The following ADGRG1 variants were observed in gnomAD, a reference collection of about 807,000 sequenced individuals.
ADGRG1 encodes 7-transmembrane protein with no EGF-like N-terminal domains-1.
Under a neutral mutation model 73.5 loss-of-function variants are expected in ADGRG1, and 53 were observed. The ratio of observed to expected loss-of-function variants is 0.72; its 90% confidence interval spans 0.58 to 0.91. ADGRG1 has a LOEUF of 0.91. ADGRG1 is among the 40% of genes least tolerant of loss of function. The probability of loss-of-function intolerance (pLI) is 0.00; values close to 1 mark genes in which losing one functional copy is unlikely to be tolerated. For synonymous variants in ADGRG1, 394 were observed against 374.4 expected (o/e 1.05, Z -0.60); for missense variants, 795 against 871.8 (o/e 0.91, Z 1.11).
intron 1 of ADGRG1, chr16:57,634,241 C>A: frequency 1.0e-6 from 1 of 985,430 alleles, no homozygotes; most frequent in South Asian, 4.7e-5. Context: ...GTGGCTGGCA[C>A]CCTGGGTCTC....
chr16:57,657,515 A>G, intron 10 of ADGRG1, 24 bp downstream of exon 10: 2 of 1,498,190 alleles, frequency 1.3e-6, no homozygotes, highest in Non-Finnish European at 1.9e-6. Context: ...GGGGTGGGAC[A>G]GGGGAGGGGA....
intron 3 of ADGRG1, chr16:57,652,540 G>A (rs1457372524): frequency 2.7e-6 from 2 of 750,512 alleles, no homozygotes; most frequent in African/African-American, 3.8e-5. Flanking sequence ...TTGCAAATTG[G>A]CATTCTGAAG....
At position 57,660,754 on chromosome 16, in the gene ADGRG1, A is replaced by G; in HGVS notation, c.1556-14A>G. On this transcript the variant is annotated splice_polypyrimidine_tract_variant and intron_variant, in intron 11 of 13. Transcript: ENST00000562631. ...GAGAGCGGGAAGTAGAGCAACATGC[A>G]TTGCCACCCTCAGGCTTCCCCATCT... 1.9e-6 allele frequency: 3 copies of G among 1,575,220 alleles called. No individual in the cohort carries two copies. Among genetic ancestry groups the G allele is most frequent in the Non-Finnish European group, 2.6e-6 (3 of 1,146,286 alleles).
At chr16:57,634,507 C>T in intron 1 of ADGRG1, 1 of 973,892 alleles carries the variant, frequency 1.0e-6, no homozygotes, top group Non-Finnish European at 1.2e-6. Flanking sequence ...TTGAGTGCTG[C>T]TGGCCCTCTA....
chr16:57,654,667 G>A lies in ADGRG1; in HGVS notation c.768+534G>A, dbSNP rs189513969. On this transcript the variant is annotated intron_variant, in intron 5 of 13. Coordinates refer to ENST00000562631, the MANE Select transcript of ADGRG1 (RefSeq NM_201525.4). The stretch of plus-strand genomic sequence containing the variant: ...GGCCGAGGCAGGCAGATCACTTGAG[G>A]TCAGGAGTTCGAGACCAGCCTGGCC... 1.9e-3 allele frequency among the ~76,000 whole-genome samples: 286 copies of A among 152,186 alleles called. 1 individual carries two copies. Among genetic ancestry groups the A allele is most frequent in the Non-Finnish European group, 3.1e-3 (209 of 68,004 alleles).
chr16:57,627,159 A>G (rs6499903), upstream of ADGRG1: 745,088 of 918,930 alleles, frequency 0.81, 302,323 homozygotes, highest in Admixed American at 0.83. Context: ...CTTGATTTCA[A>G]GCAGGTAGGT....
chr16:57,628,971 TGTGTGAGAGTGAGTGA>T (rs2036802831), intron 1 of ADGRG1, 169 bp downstream of exon 1: 1 of 550,610 alleles, frequency 1.8e-6, no homozygotes, highest in Admixed American at 9.1e-5. Flanking sequence ...TGAGTGTGAG[TGTGTGAGAGTGAGTGA>T]GAATGTGAGT....
intron 1 of ADGRG1, among the ~76,000 whole-genome samples, chr16:57,640,662 CA>C (rs1301784359): frequency 6.6e-6 from 1 of 152,186 alleles, no homozygotes; most frequent in Non-Finnish European, 1.5e-5. Flanking sequence ...GGGGCCCAGG[CA>C]CAGTCAGGCT....
At chr16:57,627,831 T>C, upstream of ADGRG1, 1 of 985,312 alleles carries the variant, frequency 1.0e-6, no homozygotes, top group Non-Finnish European at 1.2e-6. Flanking sequence ...GAGGTGCTGC[T>C]GACAGAGGAA....
At chr16:57,651,824 G>C in intron 3 of ADGRG1, 2 of 1,464,432 alleles carry the variant, frequency 1.4e-6, no homozygotes, top group Non-Finnish European at 9.0e-7. Flanking sequence ...CACTGCGCTC[G>C]GCCCCACTGT....
At chr16:57,644,725 T>G (rs12596248) in intron 1 of ADGRG1, among the ~76,000 whole-genome samples, 7,112 of 61,052 alleles carry the variant, frequency 0.12, 296 homozygotes, top group African/African-American at 0.24. Context: ...TCACACGCAC[T>G]GGCACACACT....
intron 3 of ADGRG1, 186 bp downstream of exon 3, chr16:57,651,808 A>G: frequency 1.4e-6 from 2 of 1,478,390 alleles, no homozygotes; most frequent in Admixed American, 2.2e-5. Context: ...GATTACAGGC[A>G]TGAACCACTG....
At position 57,659,662 on chromosome 16, in the gene ADGRG1, G is replaced by A. The variant is rs1490167095; in HGVS notation, c.1536G>A (p.Lys512=). 1 of 1,613,896 alleles carries A rather than the reference G, an allele frequency of 6.2e-7. No homozygotes were observed. The highest frequency in any genetic ancestry group is 1.1e-5 in the South Asian group (1 of 91,084). ...FGTYVPGYLL[K]LSAMGWGFPI... The stretch of plus-strand genomic sequence containing the variant: ...CCTATGTCCCTGGCTACCTACTCAA[G>A]CTGAGCGCCATGGGCTGGGGTAAGT... The change falls in exon 11 of 14, where the codon AAG becomes AAA. Residue 512 remains lysine (K), a synonymous_variant. Transcript: ENST00000562631.
In ADGRG1 at chr16:57,653,336, G is replaced by A. The variant is rs587783660; in HGVS notation, c.620+1G>A. ...GGCCCTCGGCTGCCCCCGCCAGCCA[G>A]TAAGTTTGGCACCTGGGGCTGTGAG... On this transcript the variant is annotated splice_donor_variant, in intron 4 of 13. Transcript: ENST00000562631. LOFTEE classifies it high-confidence loss of function. 1.2e-6 allele frequency: 2 copies of A among 1,608,588 alleles called. No homozygotes were observed. Among genetic ancestry groups the A allele is most frequent in the Admixed American group, 3.3e-5 (2 of 60,004 alleles).
chr16:57,644,514 A>C (rs1289802177), intron 1 of ADGRG1, among the ~76,000 whole-genome samples: 1 of 147,426 alleles, frequency 6.8e-6, no homozygotes. Context: ...ATGCATGGGC[A>C]CACACACTCA....
chr16:57,655,912 T>C lies in ADGRG1; in HGVS notation c.937T>C (p.Leu313=), dbSNP rs776724275. The C allele has an allele frequency of 4.2e-5, 68 of 1,614,024 alleles. No homozygotes were observed. Among genetic ancestry groups the C allele is most frequent in the Non-Finnish European group, 4.5e-5 (53 of 1,180,018 alleles). ...CAGCCAAGTCCTGGGTGAGAAGGTCTTGGGGATTGTGGTACAGAACACCAA... is the reference window on the plus strand; with the variant it reads ...CAGCCAAGTCCTGGGTGAGAAGGTCCTGGGGATTGTGGTACAGAACACCAA... ...NSSQVLGEKV[L]GIVVQNTKVA... The change falls in exon 7 of 14, where the codon TTG becomes CTG. Residue 313 remains leucine, a synonymous_variant. Transcript: ENST00000562631.
chr16:57,658,440 A>G (rs1202552730), intron 10 of ADGRG1, among the ~76,000 whole-genome samples: 2 of 152,250 alleles, frequency 1.3e-5, no homozygotes, highest in Non-Finnish European at 2.9e-5. Context: ...CCATTTGGGT[A>G]GAGGAGAGGC....
chr16:57,622,911 CT>C, upstream of ADGRG1: 1 of 985,444 alleles, frequency 1.0e-6, no homozygotes, highest in Non-Finnish European at 1.2e-6. Context: ...TGCAGTGGCC[CT>C]TTCCCGGCAG....
At chr16:57,631,487 G>C in intron 1 of ADGRG1, 7 of 985,564 alleles carry the variant, frequency 7.1e-6, no homozygotes, top group Non-Finnish European at 8.4e-6. Flanking sequence ...GGGAGGAGAG[G>C]GGAGTGTGAC....
Sources: gnomAD v4.1 joint callset for allele counts (sites outside exome capture counted in the v4.1 genomes callset) on GRCh38, gnomAD v4.1.1 for gene constraint, MANE v1.5 for transcripts, NCBI Gene and HGNC (gene_info 2026-07-23, HGNC 2026-07-21) for gene names.